AGBL1: variants seen among roughly 807,000 people sequenced by gnomAD.
The protein encoded by AGBL1 is cytosolic carboxypeptidase 4.
In AGBL1, 130 loss-of-function variants were observed where a neutral mutation model predicts 118.9. The ratio of observed to expected loss-of-function variants is 1.09; its 90% CI spans 0.95 to 1.26. AGBL1 has a LOEUF of 1.26. AGBL1 is among the 50% of genes most tolerant of loss of function. AGBL1 has a pLI of 0.00. For missense variants in AGBL1, 1,584 were observed against 1,298.1 expected, an observed-to-expected ratio of 1.22 and a Z score of -3.38; for synonymous variants, 555 against 478.9, an observed-to-expected ratio of 1.16 and a Z score of -2.08.
intron 22 of AGBL1, among the ~76,000 whole-genome samples, chr15:86,860,412 A>G (rs539078253): frequency 2.0e-5 from 3 of 150,734 alleles, no homozygotes; most frequent in African/African-American, 7.3e-5. Flanking sequence ...TGGAATATAT[A>G]TATATCTCTT....
intron 23 of AGBL1, among the ~76,000 whole-genome samples, chr15:86,967,067 T>C (rs2081062457): frequency 6.6e-6 from 1 of 152,238 alleles, no homozygotes; most frequent in Non-Finnish European, 1.5e-5. Flanking sequence ...TGCATTTCTC[T>C]GATGGCCAGT....
intron 22 of AGBL1, among the ~76,000 whole-genome samples, chr15:86,787,160 A>G (rs58803913): frequency 0.021 from 3,143 of 152,218 alleles, 121 homozygotes; most frequent in African/African-American, 0.071. Context: ...TTATATATAT[A>G]TATACTGAAA....
chr15:86,088,135 T>A (rs1895786490), intron 1 of AGBL1: 1 of 152,380 alleles, frequency 6.6e-6, no homozygotes, highest in African/African-American at 2.4e-5. Context: ...GGAACTTTAT[T>A]TGGAAAACAG....
intron 6 of AGBL1, among the ~76,000 whole-genome samples, chr15:86,241,686 G>A (rs1375207045): frequency 1.3e-5 from 2 of 152,170 alleles, no homozygotes; most frequent in Non-Finnish European, 2.9e-5. Flanking sequence ...CAAGAGAAGA[G>A]CCTTCCTGGC....
chr15:86,975,961 G>A (rs906698424), intron 23 of AGBL1, among the ~76,000 whole-genome samples: 7 of 152,048 alleles, frequency 4.6e-5, no homozygotes, highest in African/African-American at 7.2e-5. Flanking sequence ...CTAATAAACT[G>A]TCTGCAGCTG....
In AGBL1 at chr15:86,787,359, A is replaced by G. The variant is rs193116924; in HGVS notation, c.3158+112923A>G. ...AGATCTCTAGACTTATTCATCCTAC[A>G]TACTCTAGACTTACTCATTCTATGT... On this transcript the variant is annotated intron_variant, in intron 22 of 22. Coordinates refer to ENST00000614907, the MANE Select transcript of AGBL1 (RefSeq NM_001386094.1). 1.6e-3 allele frequency among the ~76,000 whole-genome samples: 247 copies of G among 152,194 alleles called. 1 individual carries two copies. Among genetic ancestry groups the G allele is most frequent in the African/African-American group, 5.7e-3 (235 of 41,522 alleles).
intron 1 of AGBL1, among the ~76,000 whole-genome samples, chr15:86,141,715 GC>G (rs2076965956): frequency 6.6e-6 from 1 of 152,158 alleles, no homozygotes; most frequent in African/African-American, 2.4e-5. Context: ...GGCCCACAAA[GC>G]CCCTTTTACT....
intron 18 of AGBL1, among the ~76,000 whole-genome samples, chr15:86,516,168 C>T (rs190820522): frequency 1.3e-3 from 201 of 152,242 alleles, no homozygotes; most frequent in African/African-American, 4.7e-3. Flanking sequence ...CAGAGAAAGC[C>T]ATTATATATG....
intron 22 of AGBL1, among the ~76,000 whole-genome samples, chr15:86,826,930 T>A (rs542950946): frequency 2.0e-5 from 3 of 152,086 alleles, no homozygotes; most frequent in East Asian, 1.9e-4. Flanking sequence ...GTAAGAACAC[T>A]GTCATAGTAA....
In AGBL1 at chr15:86,914,884, C is replaced by T. The variant is rs2080399997; in HGVS notation, c.*7590C>T. 6.6e-6 allele frequency: 1 copy of T among 152,156 alleles called. No homozygotes were observed. The highest frequency in any genetic ancestry group is 6.5e-5 in the Admixed American group (1 of 15,278). The allele number at this position is 152,156 out of a possible 1,614,324, so 9.4% of individuals were successfully genotyped here. A position where few individuals can be genotyped will look rare whatever the true frequency, so the allele number is the denominator to read the frequency against. ...ATCCTTGACTCAAATACAAGTAACT[C>T]CTACTGGCCATTTCTGCATAACTTC... On this transcript the variant is annotated 3_prime_UTR_variant, in exon 23 of 23. Transcript: ENST00000614907.
At chr15:86,411,229 C>A (rs561036788) in intron 18 of AGBL1, among the ~76,000 whole-genome samples, 1 of 151,876 alleles carries the variant, frequency 6.6e-6, no homozygotes, top group Non-Finnish European at 1.5e-5. Flanking sequence ...TAATGAGCAG[C>A]ATCTGTGGTG....
At chr15:86,862,924 C>T (rs946816208) in intron 22 of AGBL1, among the ~76,000 whole-genome samples, 4 of 152,100 alleles carry the variant, frequency 2.6e-5, no homozygotes, top group African/African-American at 9.7e-5. Flanking sequence ...TTGGACCAAA[C>T]ATGGTAGCTA....
At chr15:86,827,947 T>TTTTTTTTTTTTTTTTTTTTTTC (rs2079053771) in intron 22 of AGBL1, among the ~76,000 whole-genome samples, 1 of 117,668 alleles carries the variant, frequency 8.5e-6, no homozygotes, top group Non-Finnish European at 1.8e-5. Flanking sequence ...GCTTTTTTTT[T>TTTTTTTTTTTTTTTTTTTTTTC]TTTTTTTTTT....
At chr15:86,532,132 A>G (rs2083358517) in intron 19 of AGBL1, among the ~76,000 whole-genome samples, 1 of 150,652 alleles carries the variant, frequency 6.6e-6, no homozygotes, top group Non-Finnish European at 1.5e-5. Flanking sequence ...GGAGAAGGAA[A>G]TAAGGGGTAT....
chr15:86,219,428 A>G (rs893587497), intron 5 of AGBL1, among the ~76,000 whole-genome samples: 11 of 152,140 alleles, frequency 7.2e-5, no homozygotes, highest in African/African-American at 2.2e-4. Flanking sequence ...CTCACTCTTC[A>G]CACCATCCCA....
intron 18 of AGBL1, among the ~76,000 whole-genome samples, chr15:86,481,009 C>G (rs1414768386): frequency 6.6e-6 from 1 of 151,434 alleles, no homozygotes; most frequent in Non-Finnish European, 1.5e-5. Context: ...AGGCTGGTGA[C>G]TATTTTCAAT....
chr15:86,394,197 C>T (rs534373178), intron 17 of AGBL1, among the ~76,000 whole-genome samples: 8 of 152,196 alleles, frequency 5.3e-5, no homozygotes, highest in African/African-American at 1.4e-4. Flanking sequence ...CCTGGAAATA[C>T]GGCTCCTAAA....
intron 22 of AGBL1, among the ~76,000 whole-genome samples, chr15:86,792,777 A>G (rs2141333449): frequency 6.6e-6 from 1 of 152,236 alleles, no homozygotes; most frequent in African/African-American, 2.4e-5. Context: ...CCCCATCTCT[A>G]TTTTTTTAAA....
chr15:86,213,843 A>G (rs2078141786), intron 5 of AGBL1, among the ~76,000 whole-genome samples: 1 of 152,178 alleles, frequency 6.6e-6, no homozygotes, highest in African/African-American at 2.4e-5. Flanking sequence ...TTGTAGAACT[A>G]TTTCCACTAT....
Sources: gnomAD v4.1 joint callset for allele counts (sites outside exome capture counted in the v4.1 genomes callset) on GRCh38, gnomAD v4.1.1 for gene constraint, MANE v1.5 for transcripts, NCBI Gene and HGNC (gene_info 2026-07-23, HGNC 2026-07-21) for gene names.